SS18: variants seen among roughly 807,000 people sequenced by gnomAD.
The protein encoded by SS18 is protein SSXT.
SS18 carries 28 observed loss-of-function variants against 72.5 expected under a neutral mutation model. The ratio of observed to expected loss-of-function variants is 0.39; its 90% CI spans 0.29 to 0.53. The LOEUF (loss-of-function observed/expected upper bound fraction) is 0.53, where lower values mean the gene tolerates loss of function less well. Ranked by LOEUF, SS18 falls within the 20% of genes least tolerant of loss-of-function variation. SS18 has a pLI of 0.76. For missense variants in SS18, 518 were observed against 535.3 expected (o/e 0.97, Z 0.32); for synonymous variants, 172 against 164.2 (o/e 1.05, Z -0.37).
At chr18:26,050,094 G>A (rs1436317558) in intron 5 of SS18, among the ~76,000 whole-genome samples, 1 of 152,060 alleles carries the variant, frequency 6.6e-6, no homozygotes, top group Non-Finnish European at 1.5e-5. Context: ...AATTAGCTGG[G>A]CGTGATGGCA....
intron 5 of SS18, among the ~76,000 whole-genome samples, chr18:26,051,375 C>T (rs1283545949): frequency 6.6e-6 from 1 of 152,172 alleles, no homozygotes; most frequent in East Asian, 1.9e-4. Context: ...TCCAAAAAGT[C>T]AATATGCACA....
In SS18 at chr18:26,017,279, T is replaced by A. The variant is rs2053266054; in HGVS notation, c.*1075A>T. 1 of 195,346 alleles carries A rather than the reference T, an allele frequency of 5.1e-6. No homozygotes were observed. The highest frequency in any genetic ancestry group is 6.1e-5 in the Admixed American group (1 of 16,448). 12.1% of individuals were successfully genotyped at this position (195,346 alleles called of 1,614,324 possible). A position where few individuals can be genotyped will look rare whatever the true frequency, so the allele number is the denominator to read the frequency against. ...CATAAAAAAGGGAAAAACATAAAAG[T>A]GTCCCTTTATAAATGATATTATTTC... On this transcript the variant is annotated 3_prime_UTR_variant, in exon 11 of 11. Transcript: ENST00000415083.
At chr18:26,044,839 T>C (rs2053792157) in intron 5 of SS18, among the ~76,000 whole-genome samples, 1 of 152,082 alleles carries the variant, frequency 6.6e-6, no homozygotes, top group African/African-American at 2.4e-5. Context: ...TAATCAAATC[T>C]ACATAATACA....
chr18:26,035,501 T>C lies in SS18; in HGVS notation c.973+330A>G. On this transcript the variant is annotated intron_variant, in intron 8 of 10. Transcript: ENST00000415083. This position sits in a 1 kb window ranked among gnomAD's most constrained non-coding sequence, Gnocchi z 4.4. ...AGCAAGCTGTTTCCTAAAGGCACTA[T>C]ACTTATATGTAAAATTATACATATG... The C allele has an allele frequency of 3.5e-6, 1 of 286,200 alleles. No individual in the cohort carries two copies. Among genetic ancestry groups the C allele is most frequent in the South Asian group, 7.5e-5 (1 of 13,298 alleles). The allele number at this position is 286,200 out of a possible 1,614,324, so 17.7% of individuals were successfully genotyped here. A position where few individuals can be genotyped will look rare whatever the true frequency, so the allele number is the denominator to read the frequency against.
intron 2 of SS18, among the ~76,000 whole-genome samples, chr18:26,084,728 A>G (rs1441842513): frequency 7.9e-5 from 12 of 152,216 alleles, no homozygotes; most frequent in Admixed American, 6.5e-5. Flanking sequence ...GACATTCCAC[A>G]AAACTACTGG....
At chr18:26,067,862 G>C (rs1485250064) in intron 3 of SS18, among the ~76,000 whole-genome samples, 2 of 152,172 alleles carry the variant, frequency 1.3e-5, no homozygotes, top group Non-Finnish European at 2.9e-5. Context: ...TTTTTCCACT[G>C]ATGGTGGCCG....
At chr18:26,042,614 A>C (rs932003686) in intron 5 of SS18, among the ~76,000 whole-genome samples, 15 of 151,190 alleles carry the variant, frequency 9.9e-5, no homozygotes, top group Admixed American at 2.6e-4. Flanking sequence ...GTTAATACTT[A>C]ATTTTATCTT....
At chr18:26,056,390 T>A (rs2054021535) in intron 4 of SS18, among the ~76,000 whole-genome samples, 1 of 152,226 alleles carries the variant, frequency 6.6e-6, no homozygotes, top group South Asian at 2.1e-4. Flanking sequence ...GGCAAGAAGC[T>A]TTCTCTTGAC....
At chr18:26,030,769 G>C (rs1159217194) in intron 10 of SS18, among the ~76,000 whole-genome samples, 2 of 151,858 alleles carry the variant, frequency 1.3e-5, no homozygotes, top group African/African-American at 2.4e-5. Context: ...TGAAAATAGA[G>C]GGCAGTATGA....
upstream of SS18, chr18:26,090,650 G>T: frequency 7.1e-7 from 1 of 1,415,410 alleles, no homozygotes; most frequent in Non-Finnish European, 9.7e-7. Context: ...GGCCTCTCGG[G>T]CTGAACCACC....
chr18:26,075,492 T>C (rs1307782730), intron 3 of SS18, among the ~76,000 whole-genome samples: 1 of 151,968 alleles, frequency 6.6e-6, no homozygotes, highest in Non-Finnish European at 1.5e-5. Flanking sequence ...TATAATCATC[T>C]CATTCGATGC....
intron 10 of SS18, among the ~76,000 whole-genome samples, chr18:26,025,844 C>A (rs1388265587): frequency 1.3e-5 from 2 of 151,190 alleles, no homozygotes; most frequent in Non-Finnish European, 2.9e-5. Context: ...GTAACAAAAC[C>A]AGACAAACAT....
In SS18 at chr18:26,035,181, T is replaced by A; in HGVS notation, c.974-54A>T. On this transcript the variant is annotated intron_variant, in intron 8 of 10. Transcript: ENST00000415083. The surrounding 1 kb of genome is among the most constrained non-coding windows in gnomAD (Gnocchi z 4.4). ...AAACTGAGAAGTCTGCTTAAGTAAC[T>A]TTTTTCCCTCTAAGATGCATAGCCA... 6.3e-7 allele frequency: 1 copy of A among 1,589,666 alleles called. No individual in the cohort carries two copies. The highest frequency in any genetic ancestry group is 1.3e-5 in the African/African-American group (1 of 74,236).
At chr18:26,048,506 C>G (rs560341224) in intron 5 of SS18, among the ~76,000 whole-genome samples, 24 of 152,190 alleles carry the variant, frequency 1.6e-4, no homozygotes, top group Non-Finnish European at 2.1e-4. Context: ...AGGCCTATCT[C>G]AAGCACCTCC....
chr18:26,082,580 A>C (rs1224551232), intron 2 of SS18: 1 of 881,490 alleles, frequency 1.1e-6, no homozygotes, highest in Non-Finnish European at 1.4e-6. Context: ...TTGATTTAGA[A>C]AATGCTCAAA....
intron 2 of SS18, among the ~76,000 whole-genome samples, chr18:26,078,854 T>C (rs2054467005): frequency 6.6e-6 from 1 of 152,134 alleles, no homozygotes; most frequent in Admixed American, 6.5e-5. Context: ...GCCACTGCAC[T>C]CCAGCCTGGG....
At chr18:26,027,782 T>A (rs959986499) in intron 10 of SS18, among the ~76,000 whole-genome samples, 3 of 150,892 alleles carry the variant, frequency 2.0e-5, no homozygotes, top group Non-Finnish European at 4.4e-5. Flanking sequence ...TATTTCATAC[T>A]TCACACCATA....
intron 3 of SS18, chr18:26,064,817 C>T (rs1261639039): frequency 2.0e-5 from 3 of 151,958 alleles, no homozygotes; most frequent in Admixed American, 2.0e-4. Flanking sequence ...AGAAGACTTA[C>T]AATTGTCATT....
intron 3 of SS18, among the ~76,000 whole-genome samples, chr18:26,075,777 G>T (rs2144128626): frequency 6.6e-6 from 1 of 151,908 alleles, no homozygotes; most frequent in East Asian, 1.9e-4. Flanking sequence ...GGATTGACAA[G>T]AAAGAAACAA....
Sources: allele counts gnomAD v4.1 joint callset (sites outside exome capture counted in the v4.1 genomes callset), GRCh38; gene constraint gnomAD v4.1.1; non-coding constraint Gnocchi (gnomAD v3.1); transcripts MANE v1.5; gene names NCBI Gene and HGNC (gene_info 2026-07-23, HGNC 2026-07-21).